PON1: variants seen among roughly 807,000 people sequenced by gnomAD.
PON1 encodes the protein paraoxonase 1, also known as serum paraoxonase/arylesterase 1.
PON1 carries 37 observed loss-of-function variants against 39.2 expected under a neutral mutation model. The ratio of observed to expected loss-of-function variants is 0.94; its 90% CI spans 0.73 to 1.24. The LOEUF is 1.24. PON1 is among the 50% of genes most tolerant of loss of function. The pLI is 0.00. For missense variants in PON1, 397 were observed against 413.5 expected (o/e 0.96, Z 0.35); for synonymous variants, 148 against 152.2 (o/e 0.97, Z 0.21).
Position 95,316,806 on chromosome 7 carries a change from C to A in PON1, c.146-17G>T, listed in dbSNP as rs773229792. 6.2e-7 allele frequency: 1 copy of A among 1,601,304 alleles called. No homozygotes were observed. The highest frequency in any genetic ancestry group is 2.2e-5 in the East Asian group (1 of 44,820). ...AGCCAGTTTCTGCCAGAAAAGAGAA[C>A]AGAAAGTACAGGTTGTTTCATATTA... On this transcript the variant is annotated splice_polypyrimidine_tract_variant and intron_variant, in intron 2 of 8. Transcript: ENST00000222381.
At chr7:95,320,621 A>G (rs770548093) in intron 1 of PON1, among the ~76,000 whole-genome samples, 2 of 152,256 alleles carry the variant, frequency 1.3e-5, no homozygotes, top group African/African-American at 2.4e-5. Flanking sequence ...GAATTCAAGT[A>G]TGAACACAAA....
chr7:95,308,166 T>C lies in PON1; in HGVS notation c.543A>G (p.Thr181=), dbSNP rs1476921781. ...VAVGPEHFYG[T]NDHYFLDPYL... The stretch of plus-strand genomic sequence containing the variant: ...AGGGGTCAAGAAAATAGTGATCATT[T>C]GTGCCATAAAAGTGCTCAGGTCCCA... The change falls in exon 6 of 9, where the codon ACA becomes ACG. Residue 181 remains threonine (T), a synonymous_variant. Coordinates refer to ENST00000222381, the MANE Select transcript of PON1 (RefSeq NM_000446.7). 1 of 1,614,040 alleles carries C rather than the reference T, an allele frequency of 6.2e-7. No homozygotes were observed. Among genetic ancestry groups the C allele is most frequent in the Non-Finnish European group, 8.5e-7 (1 of 1,180,032 alleles).
rs749632339 is a variant in PON1, at chr7:95,316,796, GAA to G, written c.146-9_146-8del. On this transcript the variant is annotated splice_region_variant and splice_polypyrimidine_tract_variant and intron_variant, in intron 2 of 8. Transcript: ENST00000222381. ...AAGTCTTCAGAGCCAGTTTCTGCCA[GAA>G]AAGAGAACAGAAAGTACAGGTTGTT... 1 of 1,610,786 alleles carries G rather than the reference GAA, an allele frequency of 6.2e-7. No individual in the cohort carries two copies. Among genetic ancestry groups the G allele is most frequent in the Non-Finnish European group, 8.5e-7 (1 of 1,176,996 alleles).
intron 4 of PON1, among the ~76,000 whole-genome samples, chr7:95,313,731 A>G (rs981930447): frequency 4.6e-5 from 7 of 152,124 alleles, no homozygotes; most frequent in African/African-American, 1.7e-4. Context: ...AAGTGTCTAT[A>G]GGAAAGGAAT....
At chr7:95,313,586 T>G (rs137976640) in intron 4 of PON1, among the ~76,000 whole-genome samples, 88 of 151,058 alleles carry the variant, frequency 5.8e-4, no homozygotes, top group African/African-American at 2.1e-3. Flanking sequence ...GGTGGATGAG[T>G]GGAAAGTCCA....
At chr7:95,321,138 A>G (rs1431575602) in intron 1 of PON1, among the ~76,000 whole-genome samples, 1 of 152,070 alleles carries the variant, frequency 6.6e-6, no homozygotes, top group African/African-American at 2.4e-5. Context: ...GGCTCTTTTC[A>G]ATCAACCAGC....
chr7:95,307,970 G>T, intron 6 of PON1, 41 bp downstream of exon 6: 1 of 1,530,616 alleles, frequency 6.5e-7, no homozygotes, highest in Non-Finnish European at 9.1e-7. Context: ...TATCTCCTGA[G>T]AATCTGAGTA....
At chr7:95,319,820 G>A (rs940663683) in intron 1 of PON1, among the ~76,000 whole-genome samples, 1 of 152,128 alleles carries the variant, frequency 6.6e-6, no homozygotes, top group East Asian at 1.9e-4. Flanking sequence ...TATATGGTGC[G>A]AACACCCAGC....
chr7:95,309,378 A>G (rs1807608737), intron 5 of PON1, among the ~76,000 whole-genome samples: 1 of 151,976 alleles, frequency 6.6e-6, no homozygotes, highest in South Asian at 2.1e-4. Context: ...TAAATCTACA[A>G]TCTGATTTTA....
intron 1 of PON1, among the ~76,000 whole-genome samples, chr7:95,320,709 A>G (rs1807876707): frequency 1.3e-5 from 2 of 152,168 alleles, no homozygotes; most frequent in Non-Finnish European, 2.9e-5. Context: ...CTGAAAATTG[A>G]CCCACCTGTG....
At chr7:95,313,019 G>A (rs1807689463) in intron 4 of PON1, among the ~76,000 whole-genome samples, 1 of 152,224 alleles carries the variant, frequency 6.6e-6, no homozygotes, top group Non-Finnish European at 1.5e-5. Flanking sequence ...AGTAACATGA[G>A]CTGAGGCTAC....
chr7:95,299,782 G>A (rs1311385332), intron 8 of PON1, among the ~76,000 whole-genome samples: 1 of 152,072 alleles, frequency 6.6e-6, no homozygotes, highest in African/African-American at 2.4e-5. Context: ...TTGTGATCAG[G>A]TAAGTTAATA....
intron 5 of PON1, among the ~76,000 whole-genome samples, chr7:95,309,145 T>C (rs866981876): frequency 1.2e-4 from 19 of 152,052 alleles, no homozygotes; most frequent in African/African-American, 4.3e-4. Flanking sequence ...TAAAGAGAGG[T>C]TAAATGATAT....
rs765474014 is a variant in PON1, at chr7:95,306,337, T to G, written c.728A>C (p.His243Pro). Residue 243 changes from histidine (H) to proline (P), a missense_variant, in exon 7 of 9, where the codon CAT (histidine) becomes CCT (proline). Coordinates refer to ENST00000222381, the MANE Select transcript of PON1 (RefSeq NM_000446.7). ...ATGCTTTTCATACACATGAATCTTA[T>G]GAGCCAGCAACTCAGCTATATAGAC... ...KYVYIAELLA[H>P]KIHVYEKHAN... The G allele has an allele frequency of 4.3e-6, 7 of 1,612,822 alleles. No individual in the cohort carries two copies. Among genetic ancestry groups the G allele is most frequent in the African/African-American group, 1.3e-5 (1 of 74,910 alleles).
In PON1 at chr7:95,318,327, T is replaced by A; in HGVS notation, c.141A>T (p.Gly47=). Residue 47 remains glycine, a synonymous_variant, in exon 2 of 9, where the codon GGA becomes GGT. Coordinates refer to ENST00000222381, the MANE Select transcript of PON1 (RefSeq NM_000446.7). Reference sequence around the variant, plus strand: ...TTCTTCCTCTCACATACATACCGATTCCTTTAACTAAATTACAGTTAGGAA... The same window carrying A: ...TTCTTCCTCTCACATACATACCGATACCTTTAACTAAATTACAGTTAGGAA... The part of the protein sequence containing the change: ...VELPNCNLVK[G]IETGSEDLEI... 2 of 1,604,678 alleles carry A rather than the reference T, an allele frequency of 1.2e-6. No homozygotes were observed. The highest frequency in any genetic ancestry group is 2.2e-5 in the South Asian group (2 of 90,876).
intron 6 of PON1, among the ~76,000 whole-genome samples, chr7:95,307,375 T>A (rs1463989465): frequency 1.3e-5 from 2 of 152,176 alleles, no homozygotes. Flanking sequence ...TCTAAGCATA[T>A]GTTACGGACT....
intron 7 of PON1, among the ~76,000 whole-genome samples, chr7:95,305,926 GAAA>G (rs1807531662): frequency 6.6e-6 from 1 of 151,938 alleles, no homozygotes; most frequent in Non-Finnish European, 1.5e-5. Flanking sequence ...CAACATAGAG[GAAA>G]AAAGAGAAAG....
intron 3 of PON1, 119 bp downstream of exon 3, chr7:95,316,615 C>T: frequency 1.1e-6 from 1 of 870,278 alleles, no homozygotes. Flanking sequence ...TCTTTTAAAC[C>T]ATGACTGTTC....
At chr7:95,302,063 C>T in intron 8 of PON1, 142 bp downstream of exon 8, 1 of 880,868 alleles carries the variant, frequency 1.1e-6, no homozygotes, top group Admixed American at 2.9e-5. Flanking sequence ...CGCCACTGCA[C>T]TCCAGCCTGG....
Sources: gnomAD v4.1 joint callset for allele counts (sites outside exome capture counted in the v4.1 genomes callset) on GRCh38, gnomAD v4.1.1 for gene constraint, MANE v1.5 for transcripts, NCBI Gene and HGNC (gene_info 2026-07-23, HGNC 2026-07-21) for gene names.